The following PTPRD variants were observed in gnomAD, a reference collection of about 807,000 sequenced individuals.
The protein encoded by PTPRD is protein tyrosine phosphatase receptor type D.
A neutral mutation model predicts 214.5 loss-of-function variants in PTPRD; 34 were observed. That is an observed-to-expected ratio of 0.16 (90% CI 0.12 to 0.21). PTPRD has a LOEUF of 0.21. Ranked by LOEUF, PTPRD falls within the 10% of genes least tolerant of loss-of-function variation. The pLI is 1.00. For missense variants in PTPRD, 2,545 were observed against 2,398.7 expected (o/e 1.06, Z -1.27); for synonymous variants, 1,128 against 845.7 (o/e 1.33, Z -5.79).
intron 3 of PTPRD, among the ~76,000 whole-genome samples, chr9:10,333,934 C>G (rs1565359998): frequency 1.3e-5 from 2 of 151,820 alleles, no homozygotes; most frequent in Non-Finnish European, 2.9e-5. Flanking sequence ...GAAAATTTCC[C>G]TCATTCTGCA....
At chr9:9,359,253 T>G (rs1159539002) in intron 9 of PTPRD, among the ~76,000 whole-genome samples, 2 of 151,354 alleles carry the variant, frequency 1.3e-5, no homozygotes, top group Non-Finnish European at 3.0e-5. Context: ...AAATCTCATT[T>G]AAGCTGCATT....
chr9:9,703,098 G>A lies in PTPRD; in HGVS notation c.-287+31435C>T, dbSNP rs372514487. Among the ~76,000 whole-genome samples, 52 of 152,214 alleles carry A rather than the reference G, an allele frequency of 3.4e-4. No individual in the cohort carries two copies. The South Asian group carries it at 0.011, about 32-fold the overall frequency. ...TGATAAGAGGTGATTGGATGGTGGG[G>A]GCAGTTCCCCTATGCTGTTCTCGCG... On this transcript the variant is annotated intron_variant, in intron 7 of 45. Transcript: ENST00000381196.
At chr9:9,658,584 C>A (rs555386559) in intron 7 of PTPRD, among the ~76,000 whole-genome samples, 1 of 151,954 alleles carries the variant, frequency 6.6e-6, no homozygotes, top group Non-Finnish European at 1.5e-5. Context: ...TTGTGAGATC[C>A]CTTCATTGTT....
chr9:10,499,631 T>G (rs1029176582), intron 2 of PTPRD, among the ~76,000 whole-genome samples: 2 of 151,890 alleles, frequency 1.3e-5, no homozygotes, highest in African/African-American at 4.8e-5. Flanking sequence ...GTTTCTAAAT[T>G]TATGCACAAG....
intron 3 of PTPRD, among the ~76,000 whole-genome samples, chr9:10,090,023 A>G (rs56969893): frequency 0.028 from 4,246 of 151,760 alleles, 180 homozygotes; most frequent in African/African-American, 0.093. Context: ...AGTGAAGGAC[A>G]CTATCTACAA....
intron 14 of PTPRD, among the ~76,000 whole-genome samples, chr9:8,622,560 C>T (rs149040132): frequency 6.6e-6 from 1 of 152,024 alleles, no homozygotes; most frequent in African/African-American, 2.4e-5. Flanking sequence ...TTTATGGCTT[C>T]CCATCAGAGA....
intron 14 of PTPRD, among the ~76,000 whole-genome samples, chr9:8,594,083 A>G (rs2094319075): frequency 6.6e-6 from 1 of 152,204 alleles, no homozygotes; most frequent in Admixed American, 6.5e-5. Context: ...TGTAATATAT[A>G]ATGCCCAGTA....
intron 6 of PTPRD, among the ~76,000 whole-genome samples, chr9:9,744,298 T>C (rs1046222484): frequency 6.6e-6 from 1 of 151,994 alleles, no homozygotes; most frequent in Non-Finnish European, 1.5e-5. Context: ...CGTTTTAGAG[T>C]AGAGTGGCTG....
At chr9:10,321,797 A>G (rs187667150) in intron 3 of PTPRD, among the ~76,000 whole-genome samples, 129 of 152,192 alleles carry the variant, frequency 8.5e-4, no homozygotes, top group African/African-American at 3.0e-3. Context: ...GCTGACTCCT[A>G]TGAAATTCAA....
At chr9:9,803,216 C>G (rs1387298062) in intron 5 of PTPRD, among the ~76,000 whole-genome samples, 1 of 150,288 alleles carries the variant, frequency 6.7e-6, no homozygotes, top group Admixed American at 6.7e-5. Flanking sequence ...ACTAATGTTA[C>G]TTTCACCTTC....
At chr9:8,952,584 A>C (rs1202016466) in intron 11 of PTPRD, among the ~76,000 whole-genome samples, 1 of 151,922 alleles carries the variant, frequency 6.6e-6, no homozygotes, top group African/African-American at 2.4e-5. Context: ...ATAACTTTAA[A>C]TGGTAAAGAT....
intron 3 of PTPRD, among the ~76,000 whole-genome samples, chr9:10,049,407 A>AAAAGAAAGAAAGAAAG (rs1165910757): frequency 9.5e-5 from 11 of 115,724 alleles, no homozygotes; most frequent in East Asian, 5.0e-4. Flanking sequence ...TTAAAAAAAA[A>AAAAGAAAGAAAGAAAG]AAAGAAAGAA....
chr9:8,500,984 G>A lies in PTPRD; in HGVS notation c.1898C>T (p.Pro633Leu), dbSNP rs765426964. 6.2e-7 allele frequency: 1 copy of A among 1,614,118 alleles called. No individual in the cohort carries two copies. Among genetic ancestry groups the A allele is most frequent in the Admixed American group, 1.7e-5 (1 of 60,006 alleles). Residue 633 changes from proline (P) to leucine (L), a missense_variant, in exon 24 of 46, where the codon CCA (proline) becomes CTA (leucine). By Grantham distance (98) the Pro-to-Leu change is moderately conservative (BLOSUM62 -3). Transcript: ENST00000381196. ...AATGCCATTCTGTTTTTCCACTGGT[G>A]GAGGTTGCCAACTTACCAAAATACT... Reference protein sequence around the residue: ...STSILVSWQPPPVEKQNGIIT... With the variant: ...STSILVSWQPLPVEKQNGIIT...
At position 10,203,094 on chromosome 9, in the gene PTPRD, G is replaced by A. The variant is rs1332242565; in HGVS notation, c.-545+137869C>T. 2.0e-5 allele frequency among the ~76,000 whole-genome samples: 3 copies of A among 151,792 alleles called. No individual in the cohort carries two copies. In the East Asian group the frequency reaches 5.8e-4, roughly 29 times the overall value. ...GTACTTCTCTTGATGTATCAGAGTG[G>A]AGGGACACTGTGGATTTCAATCCAA... is the stretch of plus-strand genomic sequence containing the variant. On this transcript the variant is annotated intron_variant, in intron 3 of 45. Coordinates refer to ENST00000381196, the MANE Select transcript of PTPRD (RefSeq NM_002839.4).
At chr9:8,554,511 A>ATGT (rs2083122753) in intron 14 of PTPRD, among the ~76,000 whole-genome samples, 1 of 152,192 alleles carries the variant, frequency 6.6e-6, no homozygotes, top group African/African-American at 2.4e-5. Flanking sequence ...ACAGAGAGGT[A>ATGT]TATGATCACC....
At position 8,867,003 on chromosome 9, in the gene PTPRD, CTT is replaced by C. The variant is rs142260086; in HGVS notation, c.-103-133059_-103-133058del. On this transcript the variant is annotated intron_variant, in intron 11 of 45. Transcript: ENST00000381196. ...TGGAGTTAGTGGGAATTTATGCAAA[CTT>C]ATGTTTAATCACATATTGAAAGGCC... Among the ~76,000 whole-genome samples, 1,386 of 152,234 alleles carry C rather than the reference CTT, an allele frequency of 9.1e-3. 20 individuals carry two copies. The highest frequency in any genetic ancestry group is 0.032 in the African/African-American group (1,325 of 41,526).
rs1001678775 is a variant in PTPRD at position 9,236,016 on chromosome 9, C to G, written c.-202-52653G>C. Among the ~76,000 whole-genome samples the G allele has an allele frequency of 3.9e-5, 6 of 152,222 alleles. No individual in the cohort carries two copies. The South Asian group carries it at 1.2e-3, about 32-fold the overall frequency. Reference sequence around the variant, plus strand: ...CGGTGTCTCATGCCTGTAATCCCAGCACTTTGGGAGGCTGAGGCAGGTGGA... The same window carrying G: ...CGGTGTCTCATGCCTGTAATCCCAGGACTTTGGGAGGCTGAGGCAGGTGGA... On this transcript the variant is annotated intron_variant, in intron 9 of 45. Coordinates refer to ENST00000381196, the MANE Select transcript of PTPRD (RefSeq NM_002839.4).
At chr9:9,641,859 T>C (rs1211325848) in intron 7 of PTPRD, among the ~76,000 whole-genome samples, 4 of 151,974 alleles carry the variant, frequency 2.6e-5, no homozygotes, top group Non-Finnish European at 4.4e-5. Context: ...CCTGGACCCA[T>C]TTAGATTAAG....
At chr9:10,413,682 G>T (rs998173364) in intron 2 of PTPRD, among the ~76,000 whole-genome samples, 1 of 151,964 alleles carries the variant, frequency 6.6e-6, no homozygotes, top group Non-Finnish European at 1.5e-5. Flanking sequence ...CAAAGCTGGA[G>T]GCATCACATT....
Sources: gnomAD v4.1 joint callset for allele counts (sites outside exome capture counted in the v4.1 genomes callset) on GRCh38, gnomAD v4.1.1 for gene constraint, MANE v1.5 for transcripts, NCBI Gene and HGNC (gene_info 2026-07-23, HGNC 2026-07-21) for gene names.